The following RBFOX1 variants were observed in gnomAD, a reference collection of about 807,000 sequenced individuals.
The protein encoded by RBFOX1 is RNA binding protein fox-1 homolog 1.
RBFOX1 carries 8 observed loss-of-function variants against 57.7 expected under a neutral mutation model. The ratio of observed to expected loss-of-function variants is 0.14; its 90% CI spans 0.08 to 0.25. The LOEUF (loss-of-function observed/expected upper bound fraction) is 0.25. RBFOX1 is among the 10% of genes least tolerant of loss of function. The pLI, the probability that RBFOX1 is intolerant of heterozygous loss-of-function variation, is 1.00. For missense variants in RBFOX1, 611 were observed against 548.5 expected, an observed-to-expected ratio of 1.11 and a Z score of -1.14; for synonymous variants, 326 against 222.4, an observed-to-expected ratio of 1.47 and a Z score of -4.15.
At chr16:7,123,850 C>G (rs2067771789) in intron 4 of RBFOX1, among the ~76,000 whole-genome samples, 1 of 152,030 alleles carries the variant, frequency 6.6e-6, no homozygotes, top group South Asian at 2.1e-4. Flanking sequence ...GAGGGTGGGG[C>G]TGTGGTCATT....
chr16:6,736,522 A>G (rs2070357296), intron 3 of RBFOX1, among the ~76,000 whole-genome samples: 1 of 152,202 alleles, frequency 6.6e-6, no homozygotes, highest in Non-Finnish European at 1.5e-5. Context: ...ATTGCATCAT[A>G]TATATACATA....
chr16:6,426,903 C>A (rs1324383877), intron 2 of RBFOX1, among the ~76,000 whole-genome samples: 1 of 152,154 alleles, frequency 6.6e-6, no homozygotes, highest in Non-Finnish European at 1.5e-5. Context: ...ACGCTGTCAT[C>A]CCTGGAGTCC....
chr16:6,173,339 A>G (rs1392424153), intron 1 of RBFOX1, among the ~76,000 whole-genome samples: 3 of 152,170 alleles, frequency 2.0e-5, no homozygotes, highest in African/African-American at 7.2e-5. Context: ...AAGAGATCCA[A>G]TGTCTTTAAA....
At chr16:6,601,388 G>A (rs896427784) in intron 2 of RBFOX1, among the ~76,000 whole-genome samples, 4 of 152,046 alleles carry the variant, frequency 2.6e-5, no homozygotes, top group Non-Finnish European at 5.9e-5. Flanking sequence ...TGAGAGTTAC[G>A]GTGCTTTTGT....
intron 1 of RBFOX1, among the ~76,000 whole-genome samples, chr16:6,158,858 A>G (rs1001732528): frequency 6.6e-6 from 1 of 151,916 alleles, no homozygotes; most frequent in Non-Finnish European, 1.5e-5. Flanking sequence ...TTAAAAGTGA[A>G]GTTGGTTTTC....
chr16:6,538,746 T>C (rs1269310090), intron 2 of RBFOX1, among the ~76,000 whole-genome samples: 1 of 152,212 alleles, frequency 6.6e-6, no homozygotes, highest in Non-Finnish European at 1.5e-5. Flanking sequence ...TTTGCCTTTT[T>C]CCAGCTGTTG....
At chr16:5,959,292 G>A (rs1383486100) in intron 4 of RBFOX1, among the ~76,000 whole-genome samples, 1 of 152,154 alleles carries the variant, frequency 6.6e-6, no homozygotes, top group Non-Finnish European at 1.5e-5. Context: ...GATGCTCCCA[G>A]CCCACTTTCC....
chr16:6,736,392 G>C (rs1278093240), intron 3 of RBFOX1, among the ~76,000 whole-genome samples: 1 of 152,048 alleles, frequency 6.6e-6, no homozygotes, highest in Non-Finnish European at 1.5e-5. Context: ...CCACATATCA[G>C]TGAGAAAATA....
At chr16:6,489,289 C>T (rs556221497) in intron 2 of RBFOX1, among the ~76,000 whole-genome samples, 3 of 152,082 alleles carry the variant, frequency 2.0e-5, no homozygotes, top group Admixed American at 6.5e-5. Flanking sequence ...GCATTATTTT[C>T]CTCTTATCTT....
intron 3 of RBFOX1, among the ~76,000 whole-genome samples, chr16:6,956,166 T>A (rs1406168237): frequency 1.3e-5 from 2 of 152,080 alleles, no homozygotes; most frequent in African/African-American, 2.4e-5. Flanking sequence ...TGGGAAAAGA[T>A]GGAATGAGGA....
At chr16:7,181,538 C>A (rs994750059) in intron 4 of RBFOX1, among the ~76,000 whole-genome samples, 2 of 140,884 alleles carry the variant, frequency 1.4e-5, no homozygotes, top group Admixed American at 1.4e-4. Context: ...CCCTTGCTCT[C>A]TCTCTCTTTC....
At chr16:6,304,809 A>T (rs1219299291) in intron 1 of RBFOX1, among the ~76,000 whole-genome samples, 1 of 146,302 alleles carries the variant, frequency 6.8e-6, no homozygotes, top group Non-Finnish European at 1.5e-5. Context: ...GGAGGTGGAA[A>T]TTGCAGTGAG....
intron 2 of RBFOX1, among the ~76,000 whole-genome samples, chr16:6,344,678 T>A (rs1457972853): frequency 6.8e-6 from 1 of 146,920 alleles, no homozygotes; most frequent in Non-Finnish European, 1.5e-5. Context: ...ATTACAGGCG[T>A]GAGCCACCGA....
intron 4 of RBFOX1, among the ~76,000 whole-genome samples, chr16:6,007,293 C>T (rs745968693): frequency 1.3e-5 from 2 of 152,208 alleles, no homozygotes; most frequent in Non-Finnish European, 2.9e-5. Context: ...TGCTTGCTCT[C>T]CTGCTCTAAG....
At chr16:6,560,280 A>G (rs2097163041) in intron 2 of RBFOX1, among the ~76,000 whole-genome samples, 1 of 152,110 alleles carries the variant, frequency 6.6e-6, no homozygotes, top group African/African-American at 2.4e-5. Flanking sequence ...GTGTTAGAAC[A>G]TGAGCAGTGC....
intron 1 of RBFOX1, among the ~76,000 whole-genome samples, chr16:6,182,123 T>A (rs2097068114): frequency 6.6e-6 from 1 of 152,202 alleles, no homozygotes; most frequent in South Asian, 2.1e-4. Flanking sequence ...TGCATTCTGT[T>A]TGCCACTCAT....
At chr16:7,459,451 C>G (rs917948673) in intron 4 of RBFOX1, among the ~76,000 whole-genome samples, 4 of 152,130 alleles carry the variant, frequency 2.6e-5, no homozygotes, top group African/African-American at 9.7e-5. Context: ...TTTCCAAAAA[C>G]CTGTGGAGGT....
At chr16:5,671,322 A>G (rs766955355) in intron 3 of RBFOX1, among the ~76,000 whole-genome samples, 6 of 152,202 alleles carry the variant, frequency 3.9e-5, no homozygotes, top group Non-Finnish European at 8.8e-5. Context: ...TGATCATCTT[A>G]TTAGTGTAGA....
At chr16:5,505,483 C>T (rs1407305505) in intron 2 of RBFOX1, among the ~76,000 whole-genome samples, 1 of 152,120 alleles carries the variant, frequency 6.6e-6, no homozygotes, top group African/African-American at 2.4e-5. Context: ...GCCTGAGATT[C>T]CAGGGGTGCC....
Sources: gnomAD v4.1 joint callset for allele counts (sites outside exome capture counted in the v4.1 genomes callset) on GRCh38, gnomAD v4.1.1 for gene constraint, MANE v1.5 for transcripts, NCBI Gene and HGNC (gene_info 2026-07-23, HGNC 2026-07-21) for gene names.